The following ACSL5 variants were observed in gnomAD, a reference collection of about 807,000 sequenced individuals.
ACSL5 encodes the protein acyl-CoA synthetase long chain family member 5.
A neutral mutation model predicts 84.9 loss-of-function variants in ACSL5; 50 were observed. That is an observed-to-expected ratio of 0.59 (90% confidence interval 0.47 to 0.75). The LOEUF is 0.75. Ranked by LOEUF, ACSL5 falls within the 30% of genes least tolerant of loss-of-function variation. The probability of loss-of-function intolerance (pLI) is 0.00; values close to 1 mark genes in which losing one functional copy is unlikely to be tolerated. For synonymous variants in ACSL5, 280 were observed against 300.7 expected (o/e 0.93, Z 0.71); for missense variants, 775 against 830.4 (o/e 0.93, Z 0.82).
rs1173831084 is a variant in ACSL5, at chr10:112,425,118, C to A, written c.1594-220C>A. 13 of 358,204 alleles carry A rather than the reference C, an allele frequency of 3.6e-5. No individual in the cohort carries two copies. The Admixed American group carries it at 3.7e-4, about 10-fold the overall frequency. The allele number at this position is 358,204 out of a possible 1,614,324, so 22.2% of individuals were successfully genotyped here. A position where few individuals can be genotyped will look rare whatever the true frequency, so the allele number is the denominator to read the frequency against. On this transcript the variant is annotated intron_variant, in intron 17 of 20. Transcript: ENST00000354655. ...ATCCAGGAGACTTTCTCTAAGGCTG[C>A]GCATTGACTCTCCACATAGATATAC...
At chr10:112,398,676 A>C (rs1843801253) in intron 2 of ACSL5, among the ~76,000 whole-genome samples, 1 of 152,074 alleles carries the variant, frequency 6.6e-6, no homozygotes, top group Non-Finnish European at 1.5e-5. Flanking sequence ...AAGTGCTGGG[A>C]TTACAGGCGT....
chr10:112,399,719 T>C (rs1564735615), intron 3 of ACSL5, among the ~76,000 whole-genome samples: 1 of 152,262 alleles, frequency 6.6e-6, no homozygotes, highest in Non-Finnish European at 1.5e-5. Flanking sequence ...GTCCCTTGAC[T>C]TCTGCATGTT....
At chr10:112,376,550 T>C in intron 1 of ACSL5, 1 of 1,522,652 alleles carries the variant, frequency 6.6e-7, no homozygotes, top group Non-Finnish European at 8.9e-7. Flanking sequence ...TTAAGCGACT[T>C]AGAATCAAGG....
chr10:112,411,834 A>C (rs951854750), intron 10 of ACSL5, 68 bp from the exon 11 acceptor site: 69 of 1,448,902 alleles, frequency 4.8e-5, no homozygotes, highest in Non-Finnish European at 5.8e-5. Flanking sequence ...TAGTTTTAAA[A>C]TCTCCATTGG....
intron 12 of ACSL5, among the ~76,000 whole-genome samples, chr10:112,415,325 G>C (rs1366410694): frequency 6.6e-6 from 1 of 152,104 alleles, no homozygotes; most frequent in Non-Finnish European, 1.5e-5. Flanking sequence ...TCAGCCTCCT[G>C]AGTAGCTGGG....
At chr10:112,409,300 G>A in intron 6 of ACSL5, 1 of 557,454 alleles carries the variant, frequency 1.8e-6, no homozygotes, top group East Asian at 2.9e-5. Context: ...TGCTGGCACA[G>A]TTCAAGAACA....
intron 5 of ACSL5, 53 bp from the exon 6 acceptor site, chr10:112,408,369 C>A: frequency 2.7e-6 from 3 of 1,099,996 alleles, no homozygotes; most frequent in African/African-American, 1.6e-5. Context: ...AATGACTGAA[C>A]TGGTACTCTT....
chr10:112,381,492 C>A (rs1287441007), intron 1 of ACSL5, among the ~76,000 whole-genome samples: 3 of 151,834 alleles, frequency 2.0e-5, no homozygotes, highest in Non-Finnish European at 4.4e-5. Flanking sequence ...CATGGTGAAA[C>A]CCCCTCTACT....
intron 11 of ACSL5, 92 bp downstream of exon 11, chr10:112,412,071 GT>G: frequency 1.5e-6 from 2 of 1,320,422 alleles, no homozygotes; most frequent in Non-Finnish European, 2.2e-6. Flanking sequence ...AGTATTTACT[GT>G]TCTTTCTCCG....
chr10:112,399,660 C>G (rs1843830811), intron 3 of ACSL5, among the ~76,000 whole-genome samples: 2 of 152,232 alleles, frequency 1.3e-5, no homozygotes, highest in African/African-American at 2.4e-5. Context: ...ATAGCTCTTT[C>G]TGTGCCTTTG....
chr10:112,385,134 C>T (rs536046990), intron 1 of ACSL5, among the ~76,000 whole-genome samples: 4 of 152,292 alleles, frequency 2.6e-5, no homozygotes, highest in East Asian at 1.9e-4. Flanking sequence ...CATGAACCTG[C>T]GTGCCAGCCA....
intron 1 of ACSL5, among the ~76,000 whole-genome samples, chr10:112,378,801 G>T (rs1223726649): frequency 6.6e-6 from 1 of 152,178 alleles, no homozygotes; most frequent in Non-Finnish European, 1.5e-5. Context: ...AGGTCGGAAA[G>T]GGACTCTCTC....
chr10:112,400,710 A>G (rs922464961), intron 3 of ACSL5, among the ~76,000 whole-genome samples: 3 of 151,746 alleles, frequency 2.0e-5, no homozygotes, highest in Non-Finnish European at 4.4e-5. Flanking sequence ...CCCGGCCTAC[A>G]CCTGGTTAAT....
At position 112,404,741 on chromosome 10, in the gene ACSL5, T is replaced by C; in HGVS notation, c.367T>C (p.Leu123=). ...DRAEYLGSCL[L]HKGYKSSPDQ... ...AGCAGAGTACCTGGGTTCCTGTCTC[T>C]TGCATAAAGGTTATAAATCATCACC... Residue 123 remains leucine, a synonymous_variant, in exon 5 of 21, where the codon TTG becomes CTG. Transcript: ENST00000354655. 3.1e-6 allele frequency: 5 copies of C among 1,614,090 alleles called. No homozygotes were observed. Among genetic ancestry groups the C allele is most frequent in the Non-Finnish European group, 4.2e-6 (5 of 1,179,964 alleles).
At position 112,422,020 on chromosome 10, in the gene ACSL5, G is replaced by T; in HGVS notation, c.1461G>T (p.Val487=). The T allele has an allele frequency of 6.2e-7, 1 of 1,614,224 alleles. No homozygotes were observed. Among genetic ancestry groups the T allele is most frequent in the Non-Finnish European group, 8.5e-7 (1 of 1,180,048 alleles). Residue 487 remains valine (V), a synonymous_variant, in exon 16 of 21, where the codon GTG becomes GTT. Coordinates refer to ENST00000354655, the MANE Select transcript of ACSL5 (RefSeq NM_203379.2). ...EDVADMNYFT[V]NNEGEVCIKG... is the part of the protein sequence containing the mutation. The stretch of plus-strand genomic sequence containing the variant: ...TGGCTGACATGAACTACTTTACAGT[G>T]AATAATGAAGGAGAGGTGGGTAGGT...
intron 1 of ACSL5, among the ~76,000 whole-genome samples, chr10:112,382,373 G>C (rs1459628682): frequency 6.6e-6 from 1 of 152,226 alleles, no homozygotes; most frequent in African/African-American, 2.4e-5. Context: ...TGCCAATGGT[G>C]AGTAAAAGGT....
At chr10:112,395,685 G>A (rs1417810574) in intron 2 of ACSL5, 1 of 152,458 alleles carries the variant, frequency 6.6e-6, no homozygotes, top group Admixed American at 6.5e-5. Flanking sequence ...CCAGCTTCCT[G>A]TATCTATGAG....
chr10:112,376,810 T>C (rs932645939), intron 1 of ACSL5, among the ~76,000 whole-genome samples: 103 of 152,092 alleles, frequency 6.8e-4, no homozygotes, highest in African/African-American at 2.4e-3. Flanking sequence ...GTAAGACTGA[T>C]GAATGAGACC....
At position 112,422,038 on chromosome 10, in the gene ACSL5, G is replaced by T; in HGVS notation, c.1476+3G>T. 1 of 1,614,060 alleles carries T rather than the reference G, an allele frequency of 6.2e-7. No individual in the cohort carries two copies. The highest frequency in any genetic ancestry group is 8.5e-7 in the Non-Finnish European group (1 of 1,179,928). On this transcript the variant is annotated splice_donor_region_variant and intron_variant, in intron 16 of 20. Transcript: ENST00000354655. ...TTACAGTGAATAATGAAGGAGAGGT[G>T]GGTAGGTCATGCCCTGTGGTCAGAC...
Sources: allele counts gnomAD v4.1 joint callset (sites outside exome capture counted in the v4.1 genomes callset), GRCh38; gene constraint gnomAD v4.1.1; transcripts MANE v1.5; gene names NCBI Gene and HGNC (gene_info 2026-07-23, HGNC 2026-07-21).